Variants in SEC22C observed in about 807,000 individuals in gnomAD.
SEC22C encodes vesicle-trafficking protein SEC22c.
In SEC22C, 29 loss-of-function variants were observed where a neutral mutation model predicts 34.7. The ratio of observed to expected loss-of-function variants is 0.84; its 90% CI spans 0.62 to 1.14. The LOEUF (loss-of-function observed/expected upper bound fraction) is 1.14, where lower values mean the gene tolerates loss of function less well. Ranked by LOEUF, SEC22C falls within the 50% of genes most tolerant of loss-of-function variation. SEC22C has a pLI of 0.00. For synonymous variants in SEC22C, 117 were observed against 132.8 expected (o/e 0.88, Z 0.82); for missense variants, 337 against 369.0 (o/e 0.91, Z 0.71).
chr3:42,600,876 C>T (rs1400176364), intron 1 of SEC22C: 19 of 644,054 alleles, frequency 3.0e-5, no homozygotes, highest in South Asian at 8.6e-5. Context: ...TCGCGACGGG[C>T]CGGCGTGAGG....
intron 1 of SEC22C, 99 bp from the exon 2 acceptor site, chr3:42,569,172 T>G (rs2088567118): frequency 2.8e-6 from 2 of 723,444 alleles, no homozygotes; most frequent in Admixed American, 5.6e-5. Context: ...TCACCCTCAT[T>G]CTTACTATAA....
rs1406135625 is a variant in SEC22C at position 42,550,595 on chromosome 3, C to T, written c.*2653G>A. The T allele has an allele frequency of 1.0e-6, 1 of 985,258 alleles. No homozygotes were observed. The highest frequency in any genetic ancestry group is 1.7e-5 in the African/African-American group (1 of 57,220). 61.0% of individuals were successfully genotyped at this position (985,258 alleles called of 1,614,324 possible). A position where few individuals can be genotyped will look rare whatever the true frequency, so the allele number is the denominator to read the frequency against. ...TACTTGTACTGTTTTTCTAGTGCAT[C>T]TTTTCCCTTTTGTTTGCAAAAGTCA... On this transcript the variant is annotated 3_prime_UTR_variant, in exon 7 of 7. Coordinates refer to ENST00000264454, the MANE Select transcript of SEC22C (RefSeq NM_032970.4).
chr3:42,551,444 G>T lies in SEC22C; in HGVS notation c.*1804C>A. The T allele has an allele frequency of 1.5e-6, 1 of 668,288 alleles. No individual in the cohort carries two copies. Among genetic ancestry groups the T allele is most frequent in the Non-Finnish European group, 1.8e-6 (1 of 540,620 alleles). The allele number at this position is 668,288 out of a possible 1,614,324, so 41.4% of individuals were successfully genotyped here. On this transcript the variant is annotated 3_prime_UTR_variant, in exon 7 of 7. Coordinates refer to ENST00000264454, the MANE Select transcript of SEC22C (RefSeq NM_032970.4). ...GAAGCCTCAAACTCCTGGACTCAAG[G>T]GATCCTCCTGCCTCAGACTCCCAAA...
upstream of SEC22C, among the ~76,000 whole-genome samples, chr3:42,583,884 C>G (rs545503567): frequency 2.2e-4 from 33 of 152,288 alleles, no homozygotes; most frequent in Non-Finnish European, 3.5e-4. Context: ...AAGTATTGAG[C>G]CTTTGGACTC....
chr3:42,600,539 CACGCCCCCGTGCGT>C (rs72319383), intron 1 of SEC22C: 41,372 of 151,674 alleles, frequency 0.27, 6,453 homozygotes, highest in East Asian at 0.47. Flanking sequence ...GCTCCCCAGA[CACGCCCCCGTGCGT>C]ACGCCCCCGT....
intron 1 of SEC22C, among the ~76,000 whole-genome samples, chr3:42,591,765 T>C (rs931117274): frequency 6.6e-6 from 1 of 152,212 alleles, no homozygotes; most frequent in African/African-American, 2.4e-5. Context: ...CCCAAGACCA[T>C]ACAACGAGTA....
rs1247062422 is a variant in SEC22C, at chr3:42,550,056, A to G, written c.*3192T>C. The G allele has an allele frequency of 3.0e-6, 3 of 985,338 alleles. No homozygotes were observed. Among genetic ancestry groups the G allele is most frequent in the Non-Finnish European group, 3.6e-6 (3 of 829,954 alleles). The allele number at this position is 985,338 out of a possible 1,614,324, so 61.0% of individuals were successfully genotyped here. ...GCCTAACAGGGGAAAACAGATTTACATGTTTCGTTCATTAGCATATTAGGG... is the reference window on the plus strand; with the variant it reads ...GCCTAACAGGGGAAAACAGATTTACGTGTTTCGTTCATTAGCATATTAGGG... On this transcript the variant is annotated 3_prime_UTR_variant, in exon 7 of 7. Coordinates refer to ENST00000264454, the MANE Select transcript of SEC22C (RefSeq NM_032970.4).
rs202174342 is a variant in SEC22C, at chr3:42,574,363, C to CAAA, written c.-27-5293_-27-5291dup. On this transcript the variant is annotated intron_variant, in intron 1 of 6. Transcript: ENST00000264454. ...TAGGCAACATAGCAAGACCCTGTCT[C>CAAA]AAAAAAAAAAAAAAAAAAAGGAATA... Among the ~76,000 whole-genome samples, 127 of 87,816 alleles carry CAAA rather than the reference C, an allele frequency of 1.4e-3. 1 individual carries two copies. The highest frequency in any genetic ancestry group is 3.6e-3 in the African/African-American group (87 of 24,006). 57.6% of individuals were successfully genotyped at this position (87,816 alleles called of 152,430 possible). A position where few individuals can be genotyped will look rare whatever the true frequency, so the allele number is the denominator to read the frequency against.
intron 6 of SEC22C, among the ~76,000 whole-genome samples, chr3:42,555,628 T>C (rs758792476): frequency 1.4e-4 from 21 of 152,220 alleles, no homozygotes; most frequent in Non-Finnish European, 2.8e-4. Flanking sequence ...CCCTATGTAA[T>C]CTCATCCCTC....
chr3:42,594,304 C>G (rs2125742343), intron 1 of SEC22C: 1 of 717,630 alleles, frequency 1.4e-6, no homozygotes, highest in Non-Finnish European at 2.5e-6. Flanking sequence ...GTTGATAACA[C>G]TGAATCATCC....
intron 1 of SEC22C, among the ~76,000 whole-genome samples, chr3:42,573,966 T>C (rs1473999396): frequency 1.3e-5 from 2 of 152,122 alleles, no homozygotes; most frequent in African/African-American, 2.4e-5. Flanking sequence ...TTTCCCAAAC[T>C]GTGCAAAAGA....
chr3:42,600,934 G>GCCCCCGCCCTCGCCCCTGCCCTCC, intron 1 of SEC22C: 1 of 1,140,830 alleles, frequency 8.8e-7, no homozygotes, highest in Non-Finnish European at 1.2e-6. Context: ...CCCTGCCCTC[G>GCCCCCGCCCTCGCCCCTGCCCTCC]CCCCCGCCCT....
intron 1 of SEC22C, among the ~76,000 whole-genome samples, chr3:42,589,360 A>G (rs1295894006): frequency 1.8e-4 from 28 of 152,206 alleles, no homozygotes; most frequent in Non-Finnish European, 1.6e-4. Context: ...AAAGCAGATG[A>G]GCTTGCTCAG....
chr3:42,591,521 T>C, intron 1 of SEC22C: 2 of 1,612,728 alleles, frequency 1.2e-6, no homozygotes, highest in Non-Finnish European at 1.7e-6. Context: ...CTCTGATCTT[T>C]CAGCTCCTTG....
chr3:42,563,474 CAT>C, intron 3 of SEC22C, 47 bp downstream of exon 3: 1 of 1,519,128 alleles, frequency 6.6e-7, no homozygotes, highest in Non-Finnish European at 9.0e-7. Context: ...AAATTCTACA[CAT>C]ATAACACCAT....
intron 1 of SEC22C, among the ~76,000 whole-genome samples, chr3:42,589,468 C>G (rs1462545888): frequency 6.6e-6 from 1 of 152,112 alleles, no homozygotes; most frequent in African/African-American, 2.4e-5. Context: ...GTGGCCGCTG[C>G]TCACTCCAGG....
At chr3:42,586,674 G>C (rs760822631), upstream of SEC22C, among the ~76,000 whole-genome samples, 31 of 151,418 alleles carry the variant, frequency 2.0e-4, no homozygotes, top group Non-Finnish European at 3.5e-4. Flanking sequence ...CTCCATTGCA[G>C]CTTCTTTTCC....
rs775675005 is a variant in SEC22C at position 42,553,442 on chromosome 3, A to G, written c.718T>C (p.Leu240=). 2 of 1,613,834 alleles carry G rather than the reference A, an allele frequency of 1.2e-6. No homozygotes were observed. The highest frequency in any genetic ancestry group is 2.2e-5 in the South Asian group (2 of 90,982). The change falls in exon 7 of 7, where the codon TTG becomes CTG. Residue 240 remains leucine (L), a synonymous_variant. Coordinates refer to ENST00000264454, the MANE Select transcript of SEC22C (RefSeq NM_032970.4). ...CTGGCTGGACTGTAGAACAGGTACA[A>G]ATAACACTGAAATGAGACCAGAAGA... The part of the protein sequence containing the change: ...PFVACIFQCY[L]YLFYSPARTM...
rs114047016 is a variant in SEC22C at position 42,578,647 on chromosome 3, T to C, written c.-28+3199A>G. On this transcript the variant is annotated intron_variant, in intron 1 of 6. Transcript: ENST00000264454. ...TATGTAATCAATGGGGAAAACTAGG[T>C]GAAGGGTACATGAGACTTCTCTGTA... Among the ~76,000 whole-genome samples the C allele has an allele frequency of 8.1e-3, 1,236 of 152,098 alleles. 20 individuals carry two copies. Among genetic ancestry groups the C allele is most frequent in the African/African-American group, 0.028 (1,162 of 41,478 alleles).
Sources: gnomAD v4.1 joint callset for allele counts (sites outside exome capture counted in the v4.1 genomes callset) on GRCh38, gnomAD v4.1.1 for gene constraint, MANE v1.5 for transcripts, NCBI Gene and HGNC (gene_info 2026-07-23, HGNC 2026-07-21) for gene names.